Variants in GLIS3 observed in about 807,000 individuals in gnomAD.
GLIS3 encodes GLIS family zinc finger 3.
GLIS3 carries 53 observed loss-of-function variants against 78.6 expected under a neutral mutation model. That is an observed-to-expected ratio of 0.67 (90% CI 0.54 to 0.85). GLIS3 has a LOEUF of 0.85. Among genes scored for constraint, GLIS3 ranks in the 40% least tolerant of loss-of-function variants. GLIS3 has a pLI of 0.00. For missense variants in GLIS3, 1,703 were observed against 1,231.1 expected, an observed-to-expected ratio of 1.38 and a Z score of -5.74; for synonymous variants, 684 against 509.9, an observed-to-expected ratio of 1.34 and a Z score of -4.60.
chr9:4,395,045 T>A, the GLIS3 span, among the ~76,000 whole-genome samples: 5 of 152,198 alleles, frequency 3.3e-5, no homozygotes, highest in African/African-American at 1.2e-4. Flanking sequence ...GTATCTATAA[T>A]GGTGTACAAT....
At chr9:4,164,168 A>C (rs1404510053) in intron 2 of GLIS3, among the ~76,000 whole-genome samples, 2 of 152,196 alleles carry the variant, frequency 1.3e-5, no homozygotes, top group South Asian at 4.1e-4. Context: ...GTGTCCTTAA[A>C]AGCCAACAAT....
chr9:3,920,508 T>C (rs1340354896), intron 6 of GLIS3, among the ~76,000 whole-genome samples: 1 of 152,138 alleles, frequency 6.6e-6, no homozygotes, highest in Non-Finnish European at 1.5e-5. Context: ...GGTTCCTCAG[T>C]TCATTTATGC....
chr9:3,898,597 T>G (rs1009840380), intron 7 of GLIS3, 94 bp downstream of exon 7: 1 of 1,484,114 alleles, frequency 6.7e-7, no homozygotes, highest in African/African-American at 1.4e-5. Flanking sequence ...CAGACGATCT[T>G]AGGAAAATTT....
At chr9:4,138,597 G>C (rs1833579724) in intron 2 of GLIS3, among the ~76,000 whole-genome samples, 1 of 152,142 alleles carries the variant, frequency 6.6e-6, no homozygotes, top group South Asian at 2.1e-4. Flanking sequence ...AAGTATTATG[G>C]AGGCAGCATG....
intron 2 of GLIS3, among the ~76,000 whole-genome samples, chr9:4,193,162 A>G (rs1357237022): frequency 1.3e-5 from 2 of 152,278 alleles, no homozygotes; most frequent in East Asian, 1.9e-4. Context: ...TTGGTCAGCA[A>G]AACTATAGCC....
chr9:4,005,470 AG>A (rs1341306377), intron 4 of GLIS3, among the ~76,000 whole-genome samples: 2 of 152,226 alleles, frequency 1.3e-5, no homozygotes, highest in Admixed American at 6.5e-5. Context: ...ACATGGCCCT[AG>A]GAGCTAAACT....
At chr9:4,040,140 A>G (rs1824677641) in intron 4 of GLIS3, among the ~76,000 whole-genome samples, 1 of 152,180 alleles carries the variant, frequency 6.6e-6, no homozygotes, top group Admixed American at 6.5e-5. Flanking sequence ...TTACCCATTA[A>G]TACCTTTATT....
chr9:4,481,515 AGTGTGT>A, the GLIS3 span, among the ~76,000 whole-genome samples: 105 of 147,588 alleles, frequency 7.1e-4, no homozygotes, highest in African/African-American at 2.3e-3. Context: ...TAAAAACATA[AGTGTGT>A]GTGTGTGTGT....
Position 3,937,096 on chromosome 9 carries a change from G to A in GLIS3, c.1804C>T (p.Pro602Ser), listed in dbSNP as rs776961678. The A allele has an allele frequency of 2.5e-6, 4 of 1,613,970 alleles. No homozygotes were observed. Among genetic ancestry groups the A allele is most frequent in the Non-Finnish European group, 3.4e-6 (4 of 1,180,026 alleles). The change falls in exon 5 of 11, where the codon CCG (proline) becomes TCG (serine). Residue 602 changes from proline (P) to serine (S), a missense_variant. Transcript: ENST00000381971. ...TTACTGAAGGCCTTCTGACAACCCG[G>A]ATGCTGGCACAAATACGGCTTCTCG... ...TGEKPYLCQH[P>S]GCQKAFSNSS... is the part of the protein sequence containing the mutation.
At chr9:4,199,477 T>G (rs1223452813) in intron 2 of GLIS3, among the ~76,000 whole-genome samples, 4 of 149,286 alleles carry the variant, frequency 2.7e-5, no homozygotes, top group African/African-American at 9.8e-5. Context: ...TTTATATATA[T>G]AAGTTATATA....
intron 9 of GLIS3, chr9:3,855,772 A>C (rs953160396): frequency 3.7e-5 from 19 of 515,264 alleles, no homozygotes; most frequent in Non-Finnish European, 6.7e-5. Context: ...CAATGAAAAA[A>C]CCAGCAACTT....
the GLIS3 span, among the ~76,000 whole-genome samples, chr9:4,393,851 G>A: frequency 6.6e-6 from 1 of 152,122 alleles, no homozygotes; most frequent in African/African-American, 2.4e-5. Context: ...TGTTAAACAT[G>A]TAAGAAGGGC....
At chr9:4,033,864 T>TAAAAAAAAAAAAA (rs34745570) in intron 4 of GLIS3, among the ~76,000 whole-genome samples, 1 of 67,980 alleles carries the variant, frequency 1.5e-5, no homozygotes, top group Non-Finnish European at 2.5e-5. Context: ...AGGCGAAGGA[T>TAAAAAAAAAAAAA]AAAAAAAAAA....
intron 4 of GLIS3, among the ~76,000 whole-genome samples, chr9:4,095,701 T>C (rs1012054744): frequency 6.6e-6 from 1 of 152,160 alleles, no homozygotes; most frequent in Non-Finnish European, 1.5e-5. Flanking sequence ...TGTTTAATGA[T>C]CCATCTGTAC....
chr9:4,479,694 T>G, the GLIS3 span, among the ~76,000 whole-genome samples: 2 of 152,106 alleles, frequency 1.3e-5, no homozygotes, highest in East Asian at 3.9e-4. Context: ...TTGGTGTTGG[T>G]GTGGTTGTGG....
At chr9:4,483,843 T>C in the GLIS3 span, among the ~76,000 whole-genome samples, 1 of 152,312 alleles carries the variant, frequency 6.6e-6, no homozygotes, top group East Asian at 1.9e-4. Flanking sequence ...AGCTGAATCT[T>C]TTTGTGCTTC....
rs574048556 is a variant in GLIS3, at chr9:4,327,245, C to T, written n.265-16717G>A. Among the ~76,000 whole-genome samples the T allele has an allele frequency of 4.6e-5, 7 of 152,196 alleles. 1 individual carries two copies. The South Asian group carries it at 1.5e-3, about 32-fold the overall frequency. On this transcript the variant is annotated intron_variant and non_coding_transcript_variant, in intron 2 of 4. Coordinates refer to the GLIS3 transcript ENST00000471664. ...GAACAAAAAGGCCAGAGCAGTGAGA[C>T]TGAGAGAGCAGAGGGAGGTGGGCAT...
chr9:4,265,262 C>T (rs1230116324), intron 2 of GLIS3, among the ~76,000 whole-genome samples: 2 of 152,076 alleles, frequency 1.3e-5, no homozygotes, highest in East Asian at 3.9e-4. Flanking sequence ...GGTTTACCAT[C>T]TGTGCTAATC....
intron 2 of GLIS3, among the ~76,000 whole-genome samples, chr9:4,151,396 G>C (rs755988247): frequency 2.0e-5 from 3 of 152,190 alleles, no homozygotes; most frequent in Non-Finnish European, 4.4e-5. Flanking sequence ...ATTAGAACTA[G>C]TGCCTGCTTA....
Sources: allele counts gnomAD v4.1 joint callset (sites outside exome capture counted in the v4.1 genomes callset), GRCh38; gene constraint gnomAD v4.1.1; transcripts MANE v1.5; gene names NCBI Gene and HGNC (gene_info 2026-07-23, HGNC 2026-07-21).